The following HMOX2 variants were observed in gnomAD, a reference collection of about 807,000 sequenced individuals.
The protein encoded by HMOX2 is heme oxygenase (decycling) 2.
A neutral mutation model predicts 33.7 loss-of-function variants in HMOX2; 30 were observed. The observed-to-expected ratio is 0.89, with a 90% confidence interval of 0.67 to 1.21. The LOEUF (loss-of-function observed/expected upper bound fraction) is 1.21, where lower values mean the gene tolerates loss of function less well. Ranked by LOEUF, HMOX2 falls within the 50% of genes most tolerant of loss-of-function variation. The probability of loss-of-function intolerance (pLI) is 0.00; values close to 1 mark genes in which losing one functional copy is unlikely to be tolerated. For missense variants in HMOX2, 403 were observed against 399.1 expected, an observed-to-expected ratio of 1.01 and a Z score of -0.08; for synonymous variants, 155 against 155.0, an observed-to-expected ratio of 1.00 and a Z score of 0.00.
At chr16:4,476,795 C>T (rs965095073) in intron 1 of HMOX2, 1 of 152,242 alleles carries the variant, frequency 6.6e-6, no homozygotes, top group Non-Finnish European at 1.5e-5. Context: ...CTTTGGCGTC[C>T]CCGTTGGGCC....
intron 2 of HMOX2, 55 bp downstream of exon 2, chr16:4,505,665 T>C (rs1272034787): frequency 8.0e-7 from 1 of 1,255,230 alleles, no homozygotes; most frequent in Admixed American, 2.1e-5. Flanking sequence ...CCTGTCGTGC[T>C]CAGCACACCT....
At chr16:4,505,748 C>T (rs17882331) in intron 2 of HMOX2, 138 bp downstream of exon 2, 736 of 592,622 alleles carry the variant, frequency 1.2e-3, no homozygotes, top group Non-Finnish European at 2.0e-3. Context: ...CCTGCTTGGC[C>T]CTGCAGGGAC....
intron 1 of HMOX2, among the ~76,000 whole-genome samples, chr16:4,477,483 A>T (rs1483177625): frequency 3.7e-5 from 5 of 136,224 alleles, no homozygotes; most frequent in Admixed American, 1.6e-4. Flanking sequence ...TGGGCGACAG[A>T]GCAAGACTCC....
intron 1 of HMOX2, among the ~76,000 whole-genome samples, chr16:4,499,033 G>A (rs1374839205): frequency 6.6e-6 from 1 of 152,234 alleles, no homozygotes; most frequent in East Asian, 1.9e-4. Flanking sequence ...AGAAAGGGCA[G>A]ATATTCCTAT....
rs571365994 is a variant in HMOX2, at chr16:4,510,112, G to C, written c.*356G>C. 1 of 267,556 alleles carries C rather than the reference G, an allele frequency of 3.7e-6. No individual in the cohort carries two copies. The highest frequency in any genetic ancestry group is 7.1e-5 in the South Asian group (1 of 14,068). The allele number at this position is 267,556 out of a possible 1,614,324, so 16.6% of individuals were successfully genotyped here. On this transcript the variant is annotated 3_prime_UTR_variant, in exon 6 of 6. Coordinates refer to ENST00000570646, the MANE Select transcript of HMOX2 (RefSeq NM_002134.4). The stretch of plus-strand genomic sequence containing the variant: ...CTCCCCTGTTGGAGGTGAGTGGCCT[G>C]TAAGTCCAAGCTGTGCGAGGGGGCC...
intron 1 of HMOX2, among the ~76,000 whole-genome samples, chr16:4,486,343 G>A (rs931816285): frequency 1.3e-5 from 2 of 152,328 alleles, no homozygotes; most frequent in African/African-American, 4.8e-5. Context: ...TGTGTAGGCA[G>A]TGGTCTAATC....
In HMOX2 at chr16:4,510,015, T is replaced by C. The variant is rs2058798259; in HGVS notation, c.*259T>C. 1.9e-6 allele frequency: 1 copy of C among 521,010 alleles called. No individual in the cohort carries two copies. The highest frequency in any genetic ancestry group is 3.4e-6 in the Non-Finnish European group (1 of 290,004). The allele number at this position is 521,010 out of a possible 1,614,324, so 32.3% of individuals were successfully genotyped here. A position where few individuals can be genotyped will look rare whatever the true frequency, so the allele number is the denominator to read the frequency against. On this transcript the variant is annotated 3_prime_UTR_variant, in exon 6 of 6. Transcript: ENST00000570646. ...AGCCTGGCCCCCGACCCAGCTCTAC[T>C]CCAGGCTTCCACACTTCTGGGCCCT...
At chr16:4,500,953 G>A (rs1337788802) in intron 1 of HMOX2, among the ~76,000 whole-genome samples, 1 of 152,164 alleles carries the variant, frequency 6.6e-6, no homozygotes, top group African/African-American at 2.4e-5. Flanking sequence ...GAGTAGTGGA[G>A]GTAGATTTTA....
chr16:4,477,648 G>C lies in HMOX2; in HGVS notation c.-42+1161G>C, dbSNP rs574121861. Reference sequence around the variant, plus strand: ...GAAGAAAGAAACGCTGGCCGGTGCAGTGGCTCACTCCTGTAATCCCAGCAC... The same window carrying C: ...GAAGAAAGAAACGCTGGCCGGTGCACTGGCTCACTCCTGTAATCCCAGCAC... On this transcript the variant is annotated intron_variant, in intron 1 of 5. Coordinates refer to ENST00000570646, the MANE Select transcript of HMOX2 (RefSeq NM_002134.4). 2.9e-3 allele frequency among the ~76,000 whole-genome samples: 434 copies of C among 152,100 alleles called. 3 individuals carry two copies. Among genetic ancestry groups the C allele is most frequent in the African/African-American group, 9.8e-3 (408 of 41,502 alleles).
intron 1 of HMOX2, chr16:4,481,622 CTTATG>C (rs2058034628): frequency 6.6e-6 from 1 of 152,088 alleles, no homozygotes; most frequent in South Asian, 2.1e-4. Flanking sequence ...AATGGTACAC[CTTATG>C]TTATCTTTTT....
chr16:4,491,399 T>A (rs1257029076), intron 1 of HMOX2, among the ~76,000 whole-genome samples: 2 of 152,120 alleles, frequency 1.3e-5, no homozygotes, highest in Non-Finnish European at 2.9e-5. Context: ...CCTGTAATCC[T>A]GGCACTTTGG....
chr16:4,486,501 TG>T (rs1388921110), intron 1 of HMOX2, among the ~76,000 whole-genome samples: 2 of 152,176 alleles, frequency 1.3e-5, no homozygotes, highest in Non-Finnish European at 2.9e-5. Context: ...GTACCAATGC[TG>T]GGGATGAGGT....
chr16:4,494,178 T>C (rs903403224), intron 1 of HMOX2, among the ~76,000 whole-genome samples: 2 of 151,480 alleles, frequency 1.3e-5, no homozygotes, highest in African/African-American at 2.4e-5. Context: ...TAGCGGGGCG[T>C]GGTGGTGGGC....
chr16:4,503,212 T>TG (rs147810933), intron 1 of HMOX2, among the ~76,000 whole-genome samples: 173 of 152,208 alleles, frequency 1.1e-3, no homozygotes, highest in African/African-American at 4.0e-3. Context: ...GCAATGCCTG[T>TG]TTTTGCCCCT....
intron 3 of HMOX2, 73 bp from the exon 4 acceptor site, chr16:4,507,640 T>C: frequency 6.5e-7 from 1 of 1,532,886 alleles, no homozygotes. Context: ...GGGTTGTCAC[T>C]TGAGCCTCTG....
intron 1 of HMOX2, among the ~76,000 whole-genome samples, chr16:4,502,558 C>T (rs1218388314): frequency 6.6e-6 from 1 of 152,036 alleles, no homozygotes; most frequent in African/African-American, 2.4e-5. Flanking sequence ...CATCTAGAGG[C>T]TCCAGGACCC....
At chr16:4,507,271 C>T (rs1158699041) in intron 3 of HMOX2, among the ~76,000 whole-genome samples, 2 of 152,002 alleles carry the variant, frequency 1.3e-5, no homozygotes, top group African/African-American at 2.4e-5. Flanking sequence ...ATGGTGAAAC[C>T]CTGTCTCTAC....
At chr16:4,492,828 G>C (rs926726452) in intron 1 of HMOX2, among the ~76,000 whole-genome samples, 2 of 152,162 alleles carry the variant, frequency 1.3e-5, no homozygotes, top group Non-Finnish European at 2.9e-5. Flanking sequence ...CTTGAGGTCA[G>C]CAGTTTGAGA....
chr16:4,476,291 A>G (rs2270363), upstream of HMOX2: 112,684 of 152,182 alleles, frequency 0.74, 41,962 homozygotes, highest in African/African-American at 0.78. Context: ...AAAGCCACAT[A>G]CTCCGCTTCC....
Sources: allele counts gnomAD v4.1 joint callset (sites outside exome capture counted in the v4.1 genomes callset), GRCh38; gene constraint gnomAD v4.1.1; transcripts MANE v1.5; gene names NCBI Gene and HGNC (gene_info 2026-07-23, HGNC 2026-07-21).